GRID2: variants seen among roughly 807,000 people sequenced by gnomAD.
The protein encoded by GRID2 is glutamate receptor ionotropic, delta-2.
A neutral mutation model predicts 114.8 loss-of-function variants in GRID2; 33 were observed. The ratio of observed to expected loss-of-function variants is 0.29; its 90% CI spans 0.22 to 0.38. GRID2 has a LOEUF of 0.38. Among genes scored for constraint, GRID2 ranks in the 10% least tolerant of loss-of-function variants. GRID2 has a pLI of 1.00. For missense variants in GRID2, 1,184 were observed against 1,257.7 expected (o/e 0.94, Z 0.89); for synonymous variants, 505 against 449.9 (o/e 1.12, Z -1.55).
intron 1 of GRID2, among the ~76,000 whole-genome samples, chr4:92,570,933 T>TTTCA (rs1175281024): frequency 6.6e-6 from 1 of 151,996 alleles, no homozygotes; most frequent in Non-Finnish European, 1.5e-5. Context: ...TTTGAATGTC[T>TTTCA]TTCTTTCTTT....
chr4:93,659,401 A>G (rs1216022609), intron 14 of GRID2, among the ~76,000 whole-genome samples: 3 of 152,136 alleles, frequency 2.0e-5, no homozygotes, highest in African/African-American at 2.4e-5. Flanking sequence ...TTATATATTC[A>G]CCAACGAATT....
chr4:93,780,073 A>C (rs1276610607), intron 1 of GRID2, among the ~76,000 whole-genome samples: 1 of 152,218 alleles, frequency 6.6e-6, no homozygotes, highest in Non-Finnish European at 1.5e-5. Context: ...ACAGATAATA[A>C]GCCAGAAAGT....
intron 8 of GRID2, among the ~76,000 whole-genome samples, chr4:93,325,396 C>T (rs566191130): frequency 6.6e-6 from 1 of 152,192 alleles, no homozygotes; most frequent in South Asian, 2.1e-4. Context: ...GACTCATTCA[C>T]TCTGCTCTAA....
At chr4:92,582,102 C>A (rs1728209453) in intron 1 of GRID2, among the ~76,000 whole-genome samples, 1 of 151,908 alleles carries the variant, frequency 6.6e-6, no homozygotes, top group African/African-American at 2.4e-5. Flanking sequence ...AAATAACGAG[C>A]CAGATAGTTT....
chr4:93,786,002 C>T (rs111530078), intron 1 of GRID2, among the ~76,000 whole-genome samples: 126 of 152,270 alleles, frequency 8.3e-4, no homozygotes, highest in African/African-American at 2.9e-3. Context: ...GGAGGATCAA[C>T]ATTTGATCAA....
At chr4:92,944,904 A>G (rs939551482) in intron 2 of GRID2, among the ~76,000 whole-genome samples, 3 of 152,200 alleles carry the variant, frequency 2.0e-5, no homozygotes, top group African/African-American at 7.2e-5. Context: ...TGTTCTGATT[A>G]TAGAACAGTT....
At position 93,629,943 on chromosome 4, in the gene GRID2, T is replaced by C. The variant is rs145785045; in HGVS notation, c.2360+3508T>C. Among the ~76,000 whole-genome samples the C allele has an allele frequency of 2.6e-3, 391 of 152,322 alleles. 1 individual carries two copies. Among genetic ancestry groups the C allele is most frequent in the Non-Finnish European group, 4.8e-3 (325 of 68,026 alleles). ...GCTTATTAGTGCATGACTGCTATGC[T>C]ACAAGTACATACACTGAGTGGATGA... On this transcript the variant is annotated intron_variant, in intron 14 of 15. Coordinates refer to ENST00000282020, the MANE Select transcript of GRID2 (RefSeq NM_001510.4).
intron 3 of GRID2, among the ~76,000 whole-genome samples, chr4:93,103,195 ACT>A (rs1449953601): frequency 2.0e-5 from 3 of 152,010 alleles, no homozygotes; most frequent in African/African-American, 2.4e-5. Flanking sequence ...ACTTGGGATA[ACT>A]CTGAAGACCA....
intron 1 of GRID2, among the ~76,000 whole-genome samples, chr4:93,788,267 G>A (rs150979415): frequency 0.036 from 5,469 of 151,188 alleles, 117 homozygotes; most frequent in African/African-American, 0.058. Context: ...GCAGTGAGCC[G>A]AGATCACACC....
chr4:92,693,711 A>C (rs1427312356), intron 2 of GRID2, among the ~76,000 whole-genome samples: 1 of 152,228 alleles, frequency 6.6e-6, no homozygotes, highest in Non-Finnish European at 1.5e-5. Context: ...GGACCCTAAC[A>C]GACTCACAAG....
At chr4:92,914,715 C>T (rs530234973) in intron 2 of GRID2, among the ~76,000 whole-genome samples, 1 of 152,092 alleles carries the variant, frequency 6.6e-6, no homozygotes, top group African/African-American at 2.4e-5. Flanking sequence ...ATAATTGCCT[C>T]CAGCTTATCC....
At chr4:92,912,252 C>T (rs1365751050) in intron 2 of GRID2, among the ~76,000 whole-genome samples, 2 of 151,778 alleles carry the variant, frequency 1.3e-5, no homozygotes, top group Non-Finnish European at 2.9e-5. Flanking sequence ...GAAGGGTATA[C>T]TACACATGAT....
intron 2 of GRID2, among the ~76,000 whole-genome samples, chr4:92,978,690 C>T (rs1165135225): frequency 1.3e-5 from 2 of 152,084 alleles, no homozygotes; most frequent in East Asian, 3.9e-4. Context: ...GAGCACAATT[C>T]ATGATTTCAC....
intron 2 of GRID2, among the ~76,000 whole-genome samples, chr4:92,913,768 C>T (rs543156390): frequency 4.0e-5 from 6 of 151,712 alleles, no homozygotes; most frequent in African/African-American, 7.2e-5. Context: ...AAGTATAAAA[C>T]GAAGAAACGT....
At chr4:93,021,704 A>C (rs1307160316) in intron 2 of GRID2, among the ~76,000 whole-genome samples, 1 of 143,294 alleles carries the variant, frequency 7.0e-6, no homozygotes, top group East Asian at 2.0e-4. Flanking sequence ...TATATTATGA[A>C]TATTATAATT....
At chr4:93,135,489 C>T (rs574254330) in intron 4 of GRID2, among the ~76,000 whole-genome samples, 11 of 152,246 alleles carry the variant, frequency 7.2e-5, no homozygotes, top group Non-Finnish European at 1.6e-4. Flanking sequence ...TTAAAAATAT[C>T]TTTCCCAAAT....
intron 2 of GRID2, among the ~76,000 whole-genome samples, chr4:92,984,991 T>A (rs1427639661): frequency 1.3e-5 from 2 of 152,078 alleles, no homozygotes; most frequent in Admixed American, 1.3e-4. Context: ...TAACTACGTT[T>A]AACAGTTTTT....
intron 2 of GRID2, among the ~76,000 whole-genome samples, chr4:92,797,625 T>C (rs915392530): frequency 6.6e-6 from 1 of 152,030 alleles, no homozygotes; most frequent in Non-Finnish European, 1.5e-5. Flanking sequence ...GTATATTTTA[T>C]GATAGTGAAT....
chr4:92,317,078 C>G (rs76105125), intron 1 of GRID2, among the ~76,000 whole-genome samples: 1 of 152,120 alleles, frequency 6.6e-6, no homozygotes, highest in Non-Finnish European at 1.5e-5. Flanking sequence ...AAATTTAATA[C>G]TGTATATCAG....
Sources: allele counts gnomAD v4.1 joint callset (sites outside exome capture counted in the v4.1 genomes callset), GRCh38; gene constraint gnomAD v4.1.1; transcripts MANE v1.5; gene names NCBI Gene and HGNC (gene_info 2026-07-23, HGNC 2026-07-21).